VPS54: variants seen among roughly 807,000 people sequenced by gnomAD.
The protein encoded by VPS54 is VPS54 subunit of GARP complex, also known as vacuolar protein sorting-associated protein 54.
In VPS54, 45 loss-of-function variants were observed where a neutral mutation model predicts 121.5. The ratio of observed to expected loss-of-function variants is 0.37; its 90% CI spans 0.29 to 0.47. The LOEUF is 0.47. Ranked by LOEUF, VPS54 falls within the 20% of genes least tolerant of loss-of-function variation. The pLI, the probability that VPS54 is intolerant of heterozygous loss-of-function variation, is 0.99. For missense variants in VPS54, 1,090 were observed against 1,131.4 expected, an observed-to-expected ratio of 0.96 and a Z score of 0.52; for synonymous variants, 371 against 385.8, an observed-to-expected ratio of 0.96 and a Z score of 0.45.
chr2:64,011,540 T>G (rs1347592891), intron 1 of VPS54, among the ~76,000 whole-genome samples: 2 of 152,038 alleles, frequency 1.3e-5, no homozygotes, highest in Non-Finnish European at 2.9e-5. Context: ...CACTCCAGCT[T>G]AGCAACAGAG....
chr2:63,972,121 T>C lies in VPS54; in HGVS notation c.457+45A>G, dbSNP rs1378550488. 2.3e-6 allele frequency: 3 copies of C among 1,295,592 alleles called. No individual in the cohort carries two copies. In the African/African-American group the frequency reaches 4.4e-5, roughly 19 times the overall value. 80.3% of individuals were successfully genotyped at this position (1,295,592 alleles called of 1,614,324 possible). A position where few individuals can be genotyped will look rare whatever the true frequency, so the allele number is the denominator to read the frequency against. Reference sequence around the variant, plus strand: ...CCAAAATAAAGATTTTGTTCACTAATATTTATGCTATGCTTTATTATCTAT... The same window carrying C: ...CCAAAATAAAGATTTTGTTCACTAACATTTATGCTATGCTTTATTATCTAT... On this transcript the variant is annotated intron_variant, in intron 4 of 22. Transcript: ENST00000272322.
At chr2:63,906,132 T>C (rs1672894946) in intron 20 of VPS54, among the ~76,000 whole-genome samples, 1 of 152,172 alleles carries the variant, frequency 6.6e-6, no homozygotes, top group Non-Finnish European at 1.5e-5. Context: ...ACCAAGCATA[T>C]CTGTTTTCAC....
chr2:63,897,854 T>TA (rs780875242), intron 21 of VPS54, among the ~76,000 whole-genome samples: 166 of 152,274 alleles, frequency 1.1e-3, no homozygotes, highest in Middle Eastern at 0.01. Flanking sequence ...GTAAAAATAA[T>TA]AAAAAGTAGT....
chr2:64,018,837 T>C (rs1678838258), intron 1 of VPS54, 101 bp downstream of exon 1: 1 of 78,102 alleles, frequency 1.3e-5, no homozygotes, highest in East Asian at 3.8e-4. Flanking sequence ...CGTTTGGGGC[T>C]GGGGAGGAGA....
chr2:63,952,894 T>C (rs1290173169), intron 7 of VPS54, among the ~76,000 whole-genome samples: 2 of 152,038 alleles, frequency 1.3e-5, no homozygotes, highest in Non-Finnish European at 2.9e-5. Context: ...CCAAAGAACA[T>C]ACATTAACTG....
intron 1 of VPS54, among the ~76,000 whole-genome samples, chr2:64,006,100 T>G (rs1678141395): frequency 6.6e-6 from 1 of 152,346 alleles, no homozygotes; most frequent in Non-Finnish European, 1.5e-5. Context: ...TCTCTCCCAC[T>G]ATACTGTAAA....
chr2:63,965,821 C>A lies in VPS54; in HGVS notation c.624+14G>T, dbSNP rs746470580. The A allele has an allele frequency of 3.7e-6, 6 of 1,608,934 alleles. No individual in the cohort carries two copies. The highest frequency in any genetic ancestry group is 5.1e-6 in the Non-Finnish European group (6 of 1,178,866). ...GAATAGTTTCCTACATGGAAAAAGT[C>A]AAAAAGAAATTACCTTTTCTTGAAG... On this transcript the variant is annotated intron_variant, in intron 6 of 22. Transcript: ENST00000272322.
In VPS54 at chr2:63,912,569, T is replaced by C; in HGVS notation, c.2515A>G (p.Met839Val). 6.2e-7 allele frequency: 1 copy of C among 1,609,662 alleles called. No homozygotes were observed. The highest frequency in any genetic ancestry group is 8.5e-7 in the Non-Finnish European group (1 of 1,178,936). Reference sequence around the variant, plus strand: ...GTGATATGATCAAAATGCCTAAGCATGCTATATTGCTTAGGTGGTAGTCGA... The same window carrying C: ...GTGATATGATCAAAATGCCTAAGCACGCTATATTGCTTAGGTGGTAGTCGA... ...EARLPPKQYS[M>V]LRHFDHITKD... Residue 839 changes from methionine to valine, a missense_variant, in exon 19 of 23, where the codon ATG becomes GTG. Physicochemically the swap from Met to Val is conservative, Grantham distance 21. Around this residue, in one of 2 missense-constraint regions of VPS54, gnomAD observed 289 missense variants for 374.4 expected, o/e 0.77. Transcript: ENST00000272322.
At chr2:63,930,968 G>A (rs1296752272) in intron 12 of VPS54, among the ~76,000 whole-genome samples, 2 of 152,174 alleles carry the variant, frequency 1.3e-5, no homozygotes, top group Admixed American at 6.5e-5. Context: ...GGATGTGAAG[G>A]ACCTCTTCAA....
chr2:63,892,357 T>G lies in VPS54; in HGVS notation c.*1073A>C, dbSNP rs185258130. The G allele has an allele frequency of 6.6e-6, 1 of 152,302 alleles. No homozygotes were observed. Among genetic ancestry groups the G allele is most frequent in the African/African-American group, 2.4e-5 (1 of 41,572 alleles). 9.4% of individuals were successfully genotyped at this position (152,302 alleles called of 1,614,324 possible). A position where few individuals can be genotyped will look rare whatever the true frequency, so the allele number is the denominator to read the frequency against. On this transcript the variant is annotated 3_prime_UTR_variant, in exon 23 of 23. Transcript: ENST00000272322. ...GGTGTGAGGTGAAGCACAGGCACTT[T>G]ATTTGTACAGTGCTGCTGATTCTAA... is the stretch of plus-strand genomic sequence containing the variant.
rs542821938 is a variant in VPS54, at chr2:63,972,361, T to C, written c.379-117A>G. 131 of 630,082 alleles carry C rather than the reference T, an allele frequency of 2.1e-4. No homozygotes were observed. In the South Asian group the frequency reaches 3.8e-3, roughly 18 times the overall value. 39.0% of individuals were successfully genotyped at this position (630,082 alleles called of 1,614,324 possible). On this transcript the variant is annotated intron_variant, in intron 3 of 22. Transcript: ENST00000272322. ...CAAATTAGTCCTACGACTTTTAATATGAAATCACTAGCCTCCTGAACTTAA... is the reference window on the plus strand; with the variant it reads ...CAAATTAGTCCTACGACTTTTAATACGAAATCACTAGCCTCCTGAACTTAA...
At chr2:63,975,479 C>A (rs1345289997) in intron 3 of VPS54, 1 of 155,476 alleles carries the variant, frequency 6.4e-6, no homozygotes, top group Non-Finnish European at 1.4e-5. Context: ...TGACCCTCCC[C>A]CTAAACTGCT....
chr2:63,936,178 C>T (rs951269651), intron 11 of VPS54, among the ~76,000 whole-genome samples: 1 of 152,058 alleles, frequency 6.6e-6, no homozygotes. Context: ...ATAACATCTT[C>T]GCTTATACAG....
intron 7 of VPS54, among the ~76,000 whole-genome samples, chr2:63,955,654 C>T (rs1469052223): frequency 6.6e-6 from 1 of 151,954 alleles, no homozygotes; most frequent in Non-Finnish European, 1.5e-5. Context: ...AACCTCAATA[C>T]TAACACCAAA....
chr2:63,912,338 T>C lies in VPS54; in HGVS notation c.2625+7A>G. 2 of 1,599,336 alleles carry C rather than the reference T, an allele frequency of 1.3e-6. No homozygotes were observed. The highest frequency in any genetic ancestry group is 1.7e-6 in the Non-Finnish European group (2 of 1,171,860). On this transcript the variant is annotated splice_region_variant and intron_variant, in intron 20 of 22. Coordinates refer to ENST00000272322, the MANE Select transcript of VPS54 (RefSeq NM_016516.3). ...AACAAAGTCTAATAATTTCTATAAATCATTACCTTAGATAACAGCTTGTCA... is the reference window on the plus strand; with the variant it reads ...AACAAAGTCTAATAATTTCTATAAACCATTACCTTAGATAACAGCTTGTCA...
At position 63,933,533 on chromosome 2, in the gene VPS54, T is replaced by G. The variant is rs1252444919; in HGVS notation, c.1739+140A>C. 7 of 716,128 alleles carry G rather than the reference T, an allele frequency of 9.8e-6. No homozygotes were observed. In the South Asian group the frequency reaches 1.1e-4, roughly 11 times the overall value. 44.4% of individuals were successfully genotyped at this position (716,128 alleles called of 1,614,324 possible). ...TACTTCTCATACATTTTTATAGAGA[T>G]ACGTTTCATAAAATTAATATATTTT... is the stretch of plus-strand genomic sequence containing the variant. On this transcript the variant is annotated intron_variant, in intron 12 of 22. Coordinates refer to ENST00000272322, the MANE Select transcript of VPS54 (RefSeq NM_016516.3).
At chr2:64,005,305 G>A (rs1045580263) in intron 1 of VPS54, among the ~76,000 whole-genome samples, 18 of 150,122 alleles carry the variant, frequency 1.2e-4, no homozygotes, top group South Asian at 2.1e-4. Context: ...GGGTTTCACC[G>A]TGTTAGCCAA....
chr2:64,009,263 G>A (rs1024441052), intron 1 of VPS54, among the ~76,000 whole-genome samples: 1 of 151,838 alleles, frequency 6.6e-6, no homozygotes, highest in South Asian at 2.1e-4. Flanking sequence ...ACATCTAATT[G>A]TGACAATTTT....
intron 22 of VPS54, among the ~76,000 whole-genome samples, chr2:63,895,314 C>T (rs1009081458): frequency 4.6e-5 from 7 of 152,052 alleles, no homozygotes; most frequent in Admixed American, 6.6e-5. Context: ...AGTAGCCAGG[C>T]GTGGTGGCAC....
Sources: allele counts gnomAD v4.1 joint callset (sites outside exome capture counted in the v4.1 genomes callset), GRCh38; gene constraint gnomAD v4.1.1; regional missense constraint gnomAD v4.1.1; transcripts MANE v1.5; gene names NCBI Gene and HGNC (gene_info 2026-07-23, HGNC 2026-07-21).